The following NR2F1-AS1 variants were observed in gnomAD, a reference collection of about 807,000 sequenced individuals.
The protein encoded by NR2F1-AS1 is NR2F1 antisense RNA 1.
chr5:93,411,881 CT>C (rs1388681430), intron 4 of NR2F1-AS1, among the ~76,000 whole-genome samples: 3 of 152,232 alleles, frequency 2.0e-5, no homozygotes, highest in African/African-American at 7.2e-5. Flanking sequence ...AAGTCCCTGC[CT>C]GTGTCCCATC....
rs910123808 is a variant in NR2F1-AS1, at chr5:93,579,634, C to A, written n.313+833G>T. Among the ~76,000 whole-genome samples, 1 of 151,938 alleles carries A rather than the reference C, an allele frequency of 6.6e-6. No homozygotes were observed. The highest frequency in any genetic ancestry group is 1.5e-5 in the Non-Finnish European group (1 of 67,946). Reference sequence around the variant, plus strand: ...CAGTCCCCAGCATCGGCTGCCCCCGCCCCCCGCGCGCCCTCTGACGCAAAC... The same window carrying A: ...CAGTCCCCAGCATCGGCTGCCCCCGACCCCCGCGCGCCCTCTGACGCAAAC... On this transcript the variant is annotated intron_variant and non_coding_transcript_variant, in intron 1 of 5. Coordinates refer to ENST00000660523, the Ensembl canonical transcript of NR2F1-AS1. This position sits in a 1 kb window ranked among gnomAD's most constrained non-coding sequence, Gnocchi z 5.1.
intron 4 of NR2F1-AS1, among the ~76,000 whole-genome samples, chr5:93,494,534 G>C (rs772560099): frequency 5.3e-5 from 8 of 152,080 alleles, no homozygotes; most frequent in Non-Finnish European, 1.0e-4. Flanking sequence ...AGAATCACTT[G>C]AACCCAGGAG....
intron 4 of NR2F1-AS1, among the ~76,000 whole-genome samples, chr5:93,412,844 G>T (rs1388939619): frequency 6.6e-6 from 1 of 152,030 alleles, no homozygotes; most frequent in Non-Finnish European, 1.5e-5. Flanking sequence ...CAAACCTCCT[G>T]CTAAATTAAA....
At chr5:93,584,431 CTGTGTGTGCGAG>C (rs1041715705), upstream of NR2F1-AS1, 2 of 148,408 alleles carry the variant, frequency 1.3e-5, no homozygotes, top group African/African-American at 4.9e-5. Flanking sequence ...GGGTGAGCGA[CTGTGTGTGCGAG>C]TGTGTGTGTG....
chr5:93,562,233 T>C (rs1752509199), intron 2 of NR2F1-AS1, among the ~76,000 whole-genome samples: 2 of 140,846 alleles, frequency 1.4e-5, no homozygotes, highest in African/African-American at 5.3e-5. Context: ...AATAATAAGA[T>C]AAAGTTAGCA....
intron 4 of NR2F1-AS1, among the ~76,000 whole-genome samples, chr5:93,498,913 A>G (rs1419945747): frequency 6.6e-6 from 1 of 152,172 alleles, no homozygotes; most frequent in South Asian, 2.1e-4. Context: ...CCTTGTAATT[A>G]TATGTATTAC....
chr5:93,505,429 T>G (rs961219310), intron 4 of NR2F1-AS1, among the ~76,000 whole-genome samples: 1 of 152,174 alleles, frequency 6.6e-6, no homozygotes, highest in African/African-American at 2.4e-5. Flanking sequence ...AATGCCCCAG[T>G]AGGAACTCTC....
intron 4 of NR2F1-AS1, among the ~76,000 whole-genome samples, chr5:93,517,044 C>T (rs1317736256): frequency 6.6e-6 from 1 of 151,880 alleles, no homozygotes; most frequent in African/African-American, 2.4e-5. Context: ...TTTCCTGAAT[C>T]TCTCACTGAT....
At chr5:93,443,823 G>A (rs1749629134) in intron 4 of NR2F1-AS1, among the ~76,000 whole-genome samples, 2 of 152,176 alleles carry the variant, frequency 1.3e-5, no homozygotes, top group Admixed American at 6.6e-5. Flanking sequence ...ACCCACAAAG[G>A]CAAGCCCATC....
intron 4 of NR2F1-AS1, among the ~76,000 whole-genome samples, chr5:93,431,644 T>C (rs1749326740): frequency 6.6e-6 from 1 of 152,196 alleles, no homozygotes; most frequent in Admixed American, 6.5e-5. Flanking sequence ...GAATGGTGCA[T>C]AGGTCTTTTG....
At chr5:93,522,284 A>G (rs1057382106) in intron 4 of NR2F1-AS1, among the ~76,000 whole-genome samples, 1 of 152,172 alleles carries the variant, frequency 6.6e-6, no homozygotes, top group Non-Finnish European at 1.5e-5. Flanking sequence ...TGATGAAATA[A>G]TCTGTACAAC....
intron 4 of NR2F1-AS1, among the ~76,000 whole-genome samples, chr5:93,527,383 A>G (rs772855847): frequency 6.6e-6 from 1 of 152,194 alleles, no homozygotes; most frequent in African/African-American, 2.4e-5. Flanking sequence ...ATGCTCATGG[A>G]TAGGAAGAAT....
chr5:93,470,132 T>C (rs935958480), intron 4 of NR2F1-AS1, among the ~76,000 whole-genome samples: 2 of 151,988 alleles, frequency 1.3e-5, no homozygotes, highest in African/African-American at 4.8e-5. Context: ...CTTTTCTGCT[T>C]TTTATTTTTA....
At chr5:93,548,907 T>C (rs898657093) in intron 4 of NR2F1-AS1, among the ~76,000 whole-genome samples, 1 of 152,014 alleles carries the variant, frequency 6.6e-6, no homozygotes, top group African/African-American at 2.4e-5. Flanking sequence ...AACAAGTAAA[T>C]TGATGCTTTG....
chr5:93,452,005 A>G (rs1749841179), intron 4 of NR2F1-AS1, among the ~76,000 whole-genome samples: 1 of 152,146 alleles, frequency 6.6e-6, no homozygotes, highest in African/African-American at 2.4e-5. Context: ...CTGGAAATTA[A>G]TTTAGAATTA....
chr5:93,532,489 T>C (rs1194747531), intron 4 of NR2F1-AS1, among the ~76,000 whole-genome samples: 1 of 152,172 alleles, frequency 6.6e-6, no homozygotes, highest in Non-Finnish European at 1.5e-5. Flanking sequence ...GGCCTGTGTG[T>C]GAACTATTTC....
chr5:93,428,880 G>C (rs891881599), intron 4 of NR2F1-AS1, among the ~76,000 whole-genome samples: 2 of 152,118 alleles, frequency 1.3e-5, no homozygotes, highest in African/African-American at 4.8e-5. Context: ...TCTCTAAGAC[G>C]TATCCAATTT....
intron 2 of NR2F1-AS1, among the ~76,000 whole-genome samples, chr5:93,558,292 G>A (rs1450347431): frequency 6.6e-6 from 1 of 151,834 alleles, no homozygotes; most frequent in Non-Finnish European, 1.5e-5. Flanking sequence ...ACTACGTATG[G>A]CAGCTATAGC....
chr5:93,470,831 C>T (rs181438669), intron 4 of NR2F1-AS1, among the ~76,000 whole-genome samples: 1 of 151,662 alleles, frequency 6.6e-6, no homozygotes, highest in African/African-American at 2.4e-5. Flanking sequence ...TTACTTTTAC[C>T]CTTAAGTTTT....
Sources: allele counts gnomAD v4.1 joint callset (sites outside exome capture counted in the v4.1 genomes callset), GRCh38; gene constraint gnomAD v4.1.1; non-coding constraint Gnocchi (gnomAD v3.1); transcripts MANE v1.5; gene names NCBI Gene and HGNC (gene_info 2026-07-23, HGNC 2026-07-21).